Variants in CALN1 observed in about 807,000 individuals in gnomAD.
CALN1 encodes the protein calcium-binding protein 8.
In CALN1, 17 loss-of-function variants were observed where a neutral mutation model predicts 30.6. The ratio of observed to expected loss-of-function variants is 0.56; its 90% CI spans 0.38 to 0.83. The LOEUF is 0.83. Ranked by LOEUF, CALN1 falls within the 40% of genes least tolerant of loss-of-function variation. The pLI, the probability that CALN1 is intolerant of heterozygous loss-of-function variation, is 0.00. For synonymous variants in CALN1, 156 were observed against 131.4 expected (o/e 1.19, Z -1.28); for missense variants, 291 against 354.9 (o/e 0.82, Z 1.45).
chr7:72,487,093 C>G, the CALN1 span, among the ~76,000 whole-genome samples: 1 of 152,190 alleles, frequency 6.6e-6, no homozygotes, highest in African/African-American at 2.4e-5. Flanking sequence ...TTCTGTTGCC[C>G]TGGCTGGAGT....
intron 5 of CALN1, among the ~76,000 whole-genome samples, chr7:71,839,139 G>T (rs1446689868): frequency 6.6e-6 from 1 of 152,010 alleles, no homozygotes; most frequent in Admixed American, 6.6e-5. Flanking sequence ...GAGAGAGAGA[G>T]AAAGGGAGAC....
chr7:71,903,535 C>A (rs1793975088), intron 5 of CALN1, among the ~76,000 whole-genome samples: 1 of 152,118 alleles, frequency 6.6e-6, no homozygotes, highest in Admixed American at 6.5e-5. Context: ...TATCTCACAT[C>A]TTATACAAAA....
intron 5 of CALN1, among the ~76,000 whole-genome samples, chr7:71,925,784 A>G (rs570320145): frequency 1.3e-5 from 2 of 152,176 alleles, no homozygotes; most frequent in African/African-American, 4.8e-5. Flanking sequence ...TTCTCGGTAG[A>G]GGGTGCTGAA....
intron 5 of CALN1, among the ~76,000 whole-genome samples, chr7:71,986,446 T>C (rs532321227): frequency 9.2e-5 from 14 of 152,348 alleles, no homozygotes; most frequent in African/African-American, 3.1e-4. Flanking sequence ...GATAAAATTA[T>C]ACAAGATATT....
At chr7:71,872,704 C>T (rs962676081) in intron 5 of CALN1, among the ~76,000 whole-genome samples, 15 of 151,632 alleles carry the variant, frequency 9.9e-5, no homozygotes, top group Admixed American at 9.9e-4. Flanking sequence ...ACCTCTGCCT[C>T]CCGGGTTCAA....
intron 5 of CALN1, among the ~76,000 whole-genome samples, chr7:71,875,232 G>A (rs975163856): frequency 6.7e-6 from 1 of 148,858 alleles, no homozygotes; most frequent in African/African-American, 2.5e-5. Context: ...CACCAGCTGT[G>A]TCAGCAGATG....
At chr7:72,041,095 GC>G (rs2129533861) in intron 4 of CALN1, among the ~76,000 whole-genome samples, 1 of 152,066 alleles carries the variant, frequency 6.6e-6, no homozygotes, top group South Asian at 2.1e-4. Flanking sequence ...TAAAATTGAG[GC>G]AAAAGAGTGC....
chr7:71,922,744 T>C (rs1795027835), intron 5 of CALN1, among the ~76,000 whole-genome samples: 1 of 123,728 alleles, frequency 8.1e-6, no homozygotes, highest in Non-Finnish European at 1.8e-5. Flanking sequence ...ATATATTATA[T>C]ATAAATATAT....
chr7:72,059,382 G>A (rs1803491796), intron 4 of CALN1, among the ~76,000 whole-genome samples: 1 of 152,062 alleles, frequency 6.6e-6, no homozygotes, highest in Non-Finnish European at 1.5e-5. Flanking sequence ...AAGAAAATAT[G>A]GGCAGATTGA....
At chr7:71,932,585 G>A (rs35971735) in intron 5 of CALN1, among the ~76,000 whole-genome samples, 23,388 of 151,968 alleles carry the variant, frequency 0.15, 1,846 homozygotes, top group Middle Eastern at 0.26. Context: ...AGGCCGAGGC[G>A]GGCGGATCAC....
chr7:72,085,657 T>C (rs1199030593), intron 4 of CALN1, among the ~76,000 whole-genome samples: 1 of 152,178 alleles, frequency 6.6e-6, no homozygotes, highest in Non-Finnish European at 1.5e-5. Flanking sequence ...AGGGACTACT[T>C]GGGGTAATAG....
intron 5 of CALN1, among the ~76,000 whole-genome samples, chr7:71,917,848 C>T (rs892606492): frequency 6.6e-6 from 1 of 152,174 alleles, no homozygotes; most frequent in African/African-American, 2.4e-5. Flanking sequence ...GATTATCTTA[C>T]ACAAAGTATG....
intron 4 of CALN1, among the ~76,000 whole-genome samples, chr7:72,091,742 A>G (rs930617071): frequency 9.9e-5 from 15 of 152,232 alleles, no homozygotes; most frequent in Non-Finnish European, 2.1e-4. Context: ...TGCCGTACCC[A>G]GAGGGGATGG....
intron 1 of CALN1, among the ~76,000 whole-genome samples, chr7:72,424,481 C>T (rs2042207): frequency 0.33 from 49,725 of 152,092 alleles, 9,251 homozygotes; most frequent in Middle Eastern, 0.47. Flanking sequence ...ACACTAAACC[C>T]ACCCAGCATT....
chr7:71,847,827 A>AGGAGAG (rs1790397790), intron 5 of CALN1, among the ~76,000 whole-genome samples: 1 of 102,182 alleles, frequency 9.8e-6, no homozygotes, highest in South Asian at 3.9e-4. Flanking sequence ...GAGAAGGAGA[A>AGGAGAG]GGAGAAGGAG....
At chr7:72,261,997 A>G (rs1293323147) in intron 3 of CALN1, among the ~76,000 whole-genome samples, 3 of 152,178 alleles carry the variant, frequency 2.0e-5, no homozygotes, top group Non-Finnish European at 4.4e-5. Context: ...GGCTCTTCCC[A>G]TTTTCAGAAA....
At position 71,860,957 on chromosome 7, in the gene CALN1, A is replaced by G. The variant is rs564727623; in HGVS notation, c.502-50465T>C. On this transcript the variant is annotated intron_variant, in intron 5 of 6. Coordinates refer to ENST00000395275, the MANE Select transcript of CALN1 (RefSeq NM_031468.4). ...CTGTGATCAGGAGACCAACGATGAC[A>G]AAGAGAACCATCTAGTTCAAAGTAA... Among the ~76,000 whole-genome samples, 174 of 152,276 alleles carry G rather than the reference A, an allele frequency of 1.1e-3. 1 individual carries two copies. Among genetic ancestry groups the G allele is most frequent in the Middle Eastern group, 3.4e-3 (1 of 294 alleles).
intron 3 of CALN1, among the ~76,000 whole-genome samples, chr7:72,158,410 G>T (rs528085790): frequency 6.6e-6 from 1 of 152,132 alleles, no homozygotes; most frequent in African/African-American, 2.4e-5. Flanking sequence ...CATATTGAAT[G>T]CCTCCCCCAA....
At chr7:71,957,079 G>A (rs1053980172) in intron 5 of CALN1, among the ~76,000 whole-genome samples, 17 of 151,876 alleles carry the variant, frequency 1.1e-4, no homozygotes, top group South Asian at 2.1e-4. Context: ...TGGTGAAAGC[G>A]AAATGAGACA....
Sources: allele counts gnomAD v4.1 joint callset (sites outside exome capture counted in the v4.1 genomes callset), GRCh38; gene constraint gnomAD v4.1.1; transcripts MANE v1.5; gene names NCBI Gene and HGNC (gene_info 2026-07-23, HGNC 2026-07-21).